Variants in VPS50 observed in about 807,000 individuals in gnomAD.
The protein encoded by VPS50 is VPS50 subunit of EARP/GARPII complex.
A neutral mutation model predicts 139.7 loss-of-function variants in VPS50; 70 were observed. The ratio of observed to expected loss-of-function variants is 0.50; its 90% CI spans 0.41 to 0.61. The LOEUF (loss-of-function observed/expected upper bound fraction) is 0.61. Among genes scored for constraint, VPS50 ranks in the 20% least tolerant of loss-of-function variants. VPS50 has a pLI of 0.00. For missense variants in VPS50, 921 were observed against 1,133.7 expected (o/e 0.81, Z 2.69); for synonymous variants, 365 against 376.7 (o/e 0.97, Z 0.36).
At chr7:93,349,252 G>T (rs909939241) in intron 24 of VPS50, among the ~76,000 whole-genome samples, 6 of 152,210 alleles carry the variant, frequency 3.9e-5, no homozygotes, top group African/African-American at 1.4e-4. Flanking sequence ...AGGTGAGAAA[G>T]AGCATGGTGC....
At chr7:93,327,861 A>G (rs911067544) in intron 21 of VPS50, among the ~76,000 whole-genome samples, 5 of 152,184 alleles carry the variant, frequency 3.3e-5, no homozygotes, top group Non-Finnish European at 7.4e-5. Context: ...TAGAATGGGA[A>G]GAACAGGTTA....
At chr7:93,267,233 GC>G (rs2116868322) in intron 9 of VPS50, among the ~76,000 whole-genome samples, 1 of 152,186 alleles carries the variant, frequency 6.6e-6, no homozygotes, top group South Asian at 2.1e-4. Context: ...ACTTGTCCTT[GC>G]CTCTCTGCTT....
rs866375861 is a variant in VPS50, at chr7:93,358,310, T to C, written c.2776-7T>C. On this transcript the variant is annotated splice_region_variant and splice_polypyrimidine_tract_variant and intron_variant, in intron 27 of 27. Transcript: ENST00000305866. The stretch of plus-strand genomic sequence containing the variant: ...GTACTAAATTTGGATCTTTCTTCTT[T>C]GAGCAGGAATATTCAACGAAGCAGC... The C allele has an allele frequency of 6.2e-7, 1 of 1,612,490 alleles. No individual in the cohort carries two copies. The highest frequency in any genetic ancestry group is 1.7e-4 in the Middle Eastern group (1 of 6,050).
chr7:93,251,514 T>C (rs986048501), intron 2 of VPS50, among the ~76,000 whole-genome samples: 8 of 141,656 alleles, frequency 5.6e-5, no homozygotes, highest in African/African-American at 1.3e-4. Context: ...CTGGGGCTTA[T>C]TGGGGGGTGG....
intron 8 of VPS50, 25 bp from the exon 9 acceptor site, chr7:93,259,525 T>C (rs1584397658): frequency 2.5e-6 from 3 of 1,219,424 alleles, no homozygotes; most frequent in Non-Finnish European, 3.6e-6. Context: ...TCTATTCCAA[T>C]GACTCCTGTT....
At chr7:93,279,388 G>T (rs1455838215) in intron 12 of VPS50, among the ~76,000 whole-genome samples, 2 of 152,106 alleles carry the variant, frequency 1.3e-5, no homozygotes, top group Non-Finnish European at 1.5e-5. Context: ...GGTTAGCTGA[G>T]GAGAGGAAAG....
intron 16 of VPS50, among the ~76,000 whole-genome samples, chr7:93,298,071 T>A (rs1374949720): frequency 1.3e-5 from 2 of 152,150 alleles, no homozygotes; most frequent in Non-Finnish European, 2.9e-5. Flanking sequence ...ATATGCCATG[T>A]CAAAAGAGAG....
At chr7:93,265,957 G>T (rs906257359) in intron 9 of VPS50, among the ~76,000 whole-genome samples, 8 of 152,176 alleles carry the variant, frequency 5.3e-5, no homozygotes, top group African/African-American at 1.9e-4. Flanking sequence ...TTCTGTTATA[G>T]CCTGGTTATA....
At chr7:93,343,262 G>A (rs1798282292) in intron 23 of VPS50, among the ~76,000 whole-genome samples, 1 of 152,174 alleles carries the variant, frequency 6.6e-6, no homozygotes, top group South Asian at 2.1e-4. Flanking sequence ...ATGAAATGAA[G>A]CGAGAAGGGA....
chr7:93,325,455 C>G (rs1797741199), intron 21 of VPS50, among the ~76,000 whole-genome samples: 1 of 151,724 alleles, frequency 6.6e-6, no homozygotes, highest in African/African-American at 2.4e-5. Flanking sequence ...CAAATGGGAT[C>G]TAATTAAACT....
At chr7:93,271,917 A>G (rs1179152848) in intron 10 of VPS50, among the ~76,000 whole-genome samples, 2 of 151,902 alleles carry the variant, frequency 1.3e-5, no homozygotes, top group East Asian at 3.9e-4. Context: ...TTACCTTTTG[A>G]GAAAGTAATT....
chr7:93,340,474 T>C (rs1191065406), intron 22 of VPS50: 2 of 152,116 alleles, frequency 1.3e-5, no homozygotes, highest in African/African-American at 2.4e-5. Context: ...TTGAAATGTG[T>C]TTTTGTTTTT....
At chr7:93,305,441 A>G (rs1432536562) in intron 17 of VPS50, among the ~76,000 whole-genome samples, 1 of 151,834 alleles carries the variant, frequency 6.6e-6, no homozygotes, top group African/African-American at 2.4e-5. Context: ...GCATATGAAA[A>G]AGAGAAGTGT....
At chr7:93,293,172 G>C (rs1796699159) in intron 13 of VPS50, among the ~76,000 whole-genome samples, 1 of 152,062 alleles carries the variant, frequency 6.6e-6, no homozygotes, top group Admixed American at 6.6e-5. Flanking sequence ...TTATATTGGT[G>C]GTGGTTAATA....
intron 16 of VPS50, among the ~76,000 whole-genome samples, chr7:93,299,152 C>T (rs980494962): frequency 6.6e-6 from 1 of 152,126 alleles, no homozygotes; most frequent in Non-Finnish European, 1.5e-5. Context: ...TGTCTGTAGT[C>T]ATTTTCGCTC....
At chr7:93,294,697 T>C (rs946269062) in intron 14 of VPS50, 61 bp downstream of exon 14, 6 of 1,336,634 alleles carry the variant, frequency 4.5e-6, no homozygotes, top group Non-Finnish European at 6.2e-6. Flanking sequence ...GTCATAGTTT[T>C]AGAAATTCAG....
intron 18 of VPS50, among the ~76,000 whole-genome samples, chr7:93,306,674 A>G (rs1033310196): frequency 1.3e-5 from 2 of 151,908 alleles, no homozygotes; most frequent in Non-Finnish European, 2.9e-5. Context: ...CTTGCTTCAC[A>G]GTTCCTGCAT....
chr7:93,323,560 AAC>A (rs772135661), intron 20 of VPS50, 49 bp from the exon 21 acceptor site: 1 of 727,190 alleles, frequency 1.4e-6, no homozygotes, highest in South Asian at 3.7e-5. Context: ...ATTATAGACT[AAC>A]AGATTTTAAT....
rs543513229 is a variant in VPS50, at chr7:93,296,098, C to T, written c.1168-644C>T. Among the ~76,000 whole-genome samples the T allele has an allele frequency of 6.6e-5, 10 of 152,200 alleles. No individual in the cohort carries two copies. In the South Asian group the frequency reaches 8.3e-4, roughly 13 times the overall value. ...TATATTTTGAAAACATAAATTTCTT[C>T]ATGAATCAGTTAATATTTATAATTT... On this transcript the variant is annotated intron_variant, in intron 14 of 27. Transcript: ENST00000305866.
Sources: allele counts gnomAD v4.1 joint callset (sites outside exome capture counted in the v4.1 genomes callset), GRCh38; gene constraint gnomAD v4.1.1; transcripts MANE v1.5; gene names NCBI Gene and HGNC (gene_info 2026-07-23, HGNC 2026-07-21).